The following SPAG16 variants were observed in gnomAD, a reference collection of about 807,000 sequenced individuals.
The protein encoded by SPAG16 is sperm associated antigen 16.
In SPAG16, 86 loss-of-function variants were observed where a neutral mutation model predicts 80.4. The ratio of observed to expected loss-of-function variants is 1.07; its 90% confidence interval spans 0.90 to 1.28. The LOEUF (loss-of-function observed/expected upper bound fraction) is 1.28, where lower values mean the gene tolerates loss of function less well. Ranked by LOEUF, SPAG16 falls within the 50% of genes most tolerant of loss-of-function variation. SPAG16 has a pLI of 0.00. For synonymous variants in SPAG16, 294 were observed against 265.9 expected (o/e 1.11, Z -1.03); for missense variants, 870 against 765.3 (o/e 1.14, Z -1.61).
At chr2:214,033,809 G>T (rs10195307) in intron 13 of SPAG16, among the ~76,000 whole-genome samples, 1 of 151,638 alleles carries the variant, frequency 6.6e-6, no homozygotes, top group Non-Finnish European at 1.5e-5. Context: ...ATATACCAGG[G>T]TATAATATCT....
chr2:214,344,312 C>G (rs531576997), intron 15 of SPAG16, among the ~76,000 whole-genome samples: 1 of 152,182 alleles, frequency 6.6e-6, no homozygotes, highest in African/African-American at 2.4e-5. Context: ...ACTGGCTTTC[C>G]TGGTACTACG....
intron 10 of SPAG16, among the ~76,000 whole-genome samples, chr2:213,793,691 T>G (rs2070844108): frequency 1.3e-5 from 2 of 152,232 alleles, no homozygotes; most frequent in African/African-American, 4.8e-5. Flanking sequence ...AGATGTTAAA[T>G]GAATAAAGTA....
intron 15 of SPAG16, among the ~76,000 whole-genome samples, chr2:214,204,143 C>T (rs1012524064): frequency 4.6e-5 from 7 of 152,148 alleles, no homozygotes; most frequent in Admixed American, 1.3e-4. Flanking sequence ...CTGAAAACCA[C>T]ACCCCCACCC....
At chr2:213,346,792 T>A (rs374168660) in intron 6 of SPAG16, among the ~76,000 whole-genome samples, 2 of 152,100 alleles carry the variant, frequency 1.3e-5, no homozygotes, top group African/African-American at 2.4e-5. Context: ...CAGTATTTTA[T>A]TGAGGATTTT....
chr2:213,358,347 A>C (rs897465964), intron 7 of SPAG16, among the ~76,000 whole-genome samples: 1 of 152,122 alleles, frequency 6.6e-6, no homozygotes, highest in African/African-American at 2.4e-5. Flanking sequence ...TATCCTGAAG[A>C]GTGTTTTCTA....
intron 13 of SPAG16, among the ~76,000 whole-genome samples, chr2:214,087,936 TA>T (rs1330745277): frequency 6.6e-6 from 1 of 151,250 alleles, no homozygotes; most frequent in East Asian, 1.9e-4. Flanking sequence ...ATTAGAAAAA[TA>T]AATTAAAAAA....
chr2:214,377,742 T>C (rs375501904), intron 15 of SPAG16, among the ~76,000 whole-genome samples: 1 of 152,144 alleles, frequency 6.6e-6, no homozygotes, highest in East Asian at 1.9e-4. Flanking sequence ...TCAACCATAC[T>C]TGATATTAGC....
At position 213,833,486 on chromosome 2, in the gene SPAG16, T is replaced by TAA. The variant is rs1553640506; in HGVS notation, c.1071-28999_1071-28998insAA. 1.4e-3 allele frequency among the ~76,000 whole-genome samples: 5 copies of TAA among 3,608 alleles called. 1 individual carries two copies. Among genetic ancestry groups the TAA allele is most frequent in the South Asian group, 0.03 (2 of 66 alleles). 2.4% of individuals were successfully genotyped at this position (3,608 alleles called of 152,430 possible). ...TATATTATATATAATAATATATATA[T>TAA]TATATATAATATATATATTATATAT... On this transcript the variant is annotated intron_variant, in intron 10 of 15. Transcript: ENST00000331683.
intron 10 of SPAG16, among the ~76,000 whole-genome samples, chr2:213,818,492 G>C (rs1477604131): frequency 6.6e-6 from 1 of 152,078 alleles, no homozygotes; most frequent in Non-Finnish European, 1.5e-5. Context: ...TCTGCCTTGG[G>C]TCTCATATTT....
In SPAG16 at chr2:214,054,417, C is replaced by T. The variant is rs537909434; in HGVS notation, c.1527+40340C>T. ...TTCATAATTCAAGCTTTTATTTATC[C>T]AATTGTTCTTATCAGAAGTTCTTAA... is the stretch of plus-strand genomic sequence containing the variant. On this transcript the variant is annotated intron_variant, in intron 13 of 15. Coordinates refer to ENST00000331683, the MANE Select transcript of SPAG16 (RefSeq NM_024532.5). Among the ~76,000 whole-genome samples the T allele has an allele frequency of 2.0e-5, 3 of 152,208 alleles. No homozygotes were observed. In the East Asian group the frequency reaches 5.8e-4, roughly 29 times the overall value.
chr2:214,329,034 T>C lies in SPAG16; in HGVS notation c.1721-81106T>C, dbSNP rs117540508. ...GATTAGCCGAGGATACAAAGATGGT[T>C]AGAATGTAACTTTGTAGCATCATAT... On this transcript the variant is annotated intron_variant, in intron 15 of 15. Transcript: ENST00000331683. Among the ~76,000 whole-genome samples, 54 of 152,336 alleles carry C rather than the reference T, an allele frequency of 3.5e-4. 3 individuals are homozygous for C. In the East Asian group the frequency reaches 0.01, roughly 29 times the overall value.
intron 11 of SPAG16, 79 bp downstream of exon 11, chr2:213,862,707 C>A: frequency 6.7e-7 from 1 of 1,494,982 alleles, no homozygotes; most frequent in South Asian, 1.2e-5. Context: ...ACTCTGCTGT[C>A]TTTGATGATG....
intron 10 of SPAG16, among the ~76,000 whole-genome samples, chr2:213,657,740 C>T (rs925161300): frequency 1.3e-5 from 2 of 152,054 alleles, no homozygotes; most frequent in African/African-American, 4.8e-5. Flanking sequence ...AACCAAAGTT[C>T]CCCTTTTTAA....
rs779148962 is a variant in SPAG16, at chr2:213,489,978, A to C, written c.958A>C (p.Ile320Leu). 4.5e-5 allele frequency: 73 copies of C among 1,604,822 alleles called. No homozygotes were observed. Among genetic ancestry groups the C allele is most frequent in the Non-Finnish European group, 6.2e-5 (73 of 1,176,768 alleles). The change falls in exon 10 of 16, where the codon ATA becomes CTA. Residue 320 changes from isoleucine to leucine, a missense_variant. Coordinates refer to ENST00000331683, the MANE Select transcript of SPAG16 (RefSeq NM_024532.5). ...KGNTKDSEFP[I>L]DMQPNPNLNV... The stretch of plus-strand genomic sequence containing the variant: ...TTTTCTCTAGGATTCAGAATTTCCC[A>C]TAGATATGCAACCAAATCCAAACCT...
At chr2:213,936,197 C>T (rs1235531624) in intron 12 of SPAG16, among the ~76,000 whole-genome samples, 1 of 152,032 alleles carries the variant, frequency 6.6e-6, no homozygotes, top group Non-Finnish European at 1.5e-5. Flanking sequence ...GGTAGCATGA[C>T]CCATGTGACT....
chr2:213,369,768 G>A (rs74442522), intron 8 of SPAG16, among the ~76,000 whole-genome samples: 2,164 of 152,170 alleles, frequency 0.014, 25 homozygotes, highest in South Asian at 0.038. Flanking sequence ...AAAATTGAGT[G>A]GAAGGTACAG....
chr2:213,510,836 T>C (rs1559206276), intron 10 of SPAG16, among the ~76,000 whole-genome samples: 1 of 152,186 alleles, frequency 6.6e-6, no homozygotes, highest in Non-Finnish European at 1.5e-5. Flanking sequence ...ATAATTAATA[T>C]GTTACTTGTA....
intron 15 of SPAG16, among the ~76,000 whole-genome samples, chr2:214,390,446 A>G (rs1325215963): frequency 1.3e-5 from 2 of 151,488 alleles, no homozygotes; most frequent in Non-Finnish European, 2.9e-5. Context: ...GGCTTCCTGG[A>G]TGGCCAAACA....
At chr2:213,596,185 A>T (rs1004360393) in intron 10 of SPAG16, among the ~76,000 whole-genome samples, 8 of 152,152 alleles carry the variant, frequency 5.3e-5, no homozygotes, top group African/African-American at 1.9e-4. Flanking sequence ...TCTATGGGGA[A>T]TAATAAATGA....
Sources: gnomAD v4.1 joint callset for allele counts (sites outside exome capture counted in the v4.1 genomes callset) on GRCh38, gnomAD v4.1.1 for gene constraint, MANE v1.5 for transcripts, NCBI Gene and HGNC (gene_info 2026-07-23, HGNC 2026-07-21) for gene names.